LAMA3: variants seen among roughly 807,000 people sequenced by gnomAD.
LAMA3 encodes laminin subunit alpha 3, also known as laminin subunit alpha-3.
LAMA3 carries 281 observed loss-of-function variants against 402.0 expected under a neutral mutation model. That is an observed-to-expected ratio of 0.70 (90% CI 0.63 to 0.77). The LOEUF (loss-of-function observed/expected upper bound fraction) is 0.77, where lower values mean the gene tolerates loss of function less well. LAMA3 is among the 30% of genes least tolerant of loss of function. The pLI is 0.00. For missense variants in LAMA3, 3,840 were observed against 4,215.5 expected (o/e 0.91, Z 2.47); for synonymous variants, 1,431 against 1,558.4 (o/e 0.92, Z 1.93).
intron 44 of LAMA3, chr18:23,898,181 C>G (rs530353270): frequency 6.5e-6 from 1 of 154,732 alleles, no homozygotes; most frequent in African/African-American, 2.4e-5. Context: ...GGCAAGGGAC[C>G]CGGATTATGG....
intron 67 of LAMA3, among the ~76,000 whole-genome samples, chr18:23,934,256 A>G (rs2082248560): frequency 6.6e-6 from 1 of 152,164 alleles, no homozygotes; most frequent in African/African-American, 2.4e-5. Flanking sequence ...TCTATAGAAT[A>G]TAAGGGCCAT....
In LAMA3 at chr18:23,842,612, C is replaced by G. The variant is rs748706179; in HGVS notation, c.3465C>G (p.Gly1155=). The G allele has an allele frequency of 9.9e-6, 16 of 1,614,222 alleles. No homozygotes were observed. The highest frequency in any genetic ancestry group is 1.4e-5 in the Non-Finnish European group (16 of 1,180,040). Reference sequence around the variant, plus strand: ...AAAGTCTCTCTCTCTCTCTGCCAGGCTCCTTCCATGCCTCTTTTTGCCCCC... The same window carrying G: ...AAAGTCTCTCTCTCTCTCTGCCAGGGTCCTTCCATGCCTCTTTTTGCCCCC... ...VSVDGGWPRA[G]SFHASFCPHV... Residue 1155 remains glycine, a splice_region_variant and synonymous_variant, in exon 29 of 75, where the codon GGC becomes GGG. Transcript: ENST00000313654.
At chr18:23,914,605 G>A (rs943818454) in intron 57 of LAMA3, 44 bp downstream of exon 57, 2 of 1,611,334 alleles carry the variant, frequency 1.2e-6, no homozygotes, top group South Asian at 2.2e-5. Context: ...AAACTTCCAT[G>A]TATACATGTT....
Position 23,773,122 on chromosome 18 carries a change from T to G in LAMA3, c.1183-375T>G, listed in dbSNP as rs191184576. Reference sequence around the variant, plus strand: ...TGCACACATGACCCTTGGGTTAAACTGTGCGATTCATTATCCATTCGTCAG... The same window carrying G: ...TGCACACATGACCCTTGGGTTAAACGGTGCGATTCATTATCCATTCGTCAG... On this transcript the variant is annotated intron_variant, in intron 8 of 74. Transcript: ENST00000313654. Among the ~76,000 whole-genome samples the G allele has an allele frequency of 2.8e-3, 434 of 152,362 alleles. 5 individuals carry two copies. Among genetic ancestry groups the G allele is most frequent in the Non-Finnish European group, 1.6e-3 (106 of 68,034 alleles).
rs2063636041 is a variant in LAMA3 at position 23,838,761 on chromosome 18, G to A, written c.3094-20G>A. 2.8e-6 allele frequency: 4 copies of A among 1,427,184 alleles called. No individual in the cohort carries two copies. The highest frequency in any genetic ancestry group is 2.3e-5 in the East Asian group (1 of 43,982). 88.4% of individuals were successfully genotyped at this position (1,427,184 alleles called of 1,614,324 possible). A position where few individuals can be genotyped will look rare whatever the true frequency, so the allele number is the denominator to read the frequency against. ...GCTGGTAACTGCAATGTGCCTTTGTGCATTGTATTTGCTCACTAGCATCAA... is the reference window on the plus strand; with the variant it reads ...GCTGGTAACTGCAATGTGCCTTTGTACATTGTATTTGCTCACTAGCATCAA... On this transcript the variant is annotated intron_variant, in intron 25 of 74. Transcript: ENST00000313654.
At chr18:23,709,616 T>C (rs1192563998) in intron 1 of LAMA3, among the ~76,000 whole-genome samples, 3 of 151,962 alleles carry the variant, frequency 2.0e-5, no homozygotes, top group African/African-American at 7.3e-5. Context: ...AGCAGTAAAG[T>C]TGGTATAAGC....
chr18:23,889,967 A>T, intron 41 of LAMA3, 44 bp from the exon 42 acceptor site: 1 of 1,431,300 alleles, frequency 7.0e-7, no homozygotes, highest in Non-Finnish European at 9.9e-7. Context: ...GAGATAAACG[A>T]TGAGTTATTT....
intron 1 of LAMA3, among the ~76,000 whole-genome samples, chr18:23,705,436 G>A (rs1040845532): frequency 3.5e-5 from 5 of 142,324 alleles, no homozygotes; most frequent in Admixed American, 2.9e-4. Flanking sequence ...GCTCGGGAAT[G>A]TATTATCATG....
At chr18:23,769,357 G>GA (rs1386337326) in intron 8 of LAMA3, among the ~76,000 whole-genome samples, 2 of 152,004 alleles carry the variant, frequency 1.3e-5, no homozygotes, top group Non-Finnish European at 2.9e-5. Flanking sequence ...AATATAGCTG[G>GA]AAAAAATTAG....
chr18:23,816,033 G>A (rs1030814238), intron 17 of LAMA3, among the ~76,000 whole-genome samples: 19 of 152,118 alleles, frequency 1.2e-4, no homozygotes, highest in East Asian at 5.8e-4. Context: ...TCTGAAGCGC[G>A]TTTACTCCTG....
At chr18:23,765,012 C>A (rs1036651529) in intron 8 of LAMA3, among the ~76,000 whole-genome samples, 4 of 152,048 alleles carry the variant, frequency 2.6e-5, no homozygotes, top group Non-Finnish European at 4.4e-5. Context: ...ACCACAAAAA[C>A]CATGATCTGA....
intron 74 of LAMA3, among the ~76,000 whole-genome samples, chr18:23,953,906 C>T (rs1373054096): frequency 1.3e-5 from 2 of 152,152 alleles, no homozygotes; most frequent in Non-Finnish European, 2.9e-5. Context: ...CACTGTAATC[C>T]GGTTGTTAAT....
chr18:23,797,451 T>A (rs1459619839), intron 12 of LAMA3, among the ~76,000 whole-genome samples: 1 of 152,230 alleles, frequency 6.6e-6, no homozygotes, highest in East Asian at 1.9e-4. Context: ...TGATGGCTCA[T>A]GCCTGTGATC....
chr18:23,818,326 C>A (rs2063218043), intron 18 of LAMA3, among the ~76,000 whole-genome samples: 1 of 152,164 alleles, frequency 6.6e-6, no homozygotes, highest in Non-Finnish European at 1.5e-5. Flanking sequence ...TTAAGTTACC[C>A]AGCCTGAGGC....
chr18:23,714,292 G>C (rs1049148577), intron 2 of LAMA3, among the ~76,000 whole-genome samples: 2 of 152,130 alleles, frequency 1.3e-5, no homozygotes, highest in Non-Finnish European at 2.9e-5. Flanking sequence ...CGCCGAGGTG[G>C]GTGGATCACT....
Position 23,949,366 on chromosome 18 carries a change from A to G in LAMA3, c.9352-399A>G, listed in dbSNP as rs1392060007. ...AGAAGTGGTTTGTATCTGCAAAGAGACGGTGAAATCTGTGAACTGTAAGGT... is the reference window on the plus strand; with the variant it reads ...AGAAGTGGTTTGTATCTGCAAAGAGGCGGTGAAATCTGTGAACTGTAAGGT... On this transcript the variant is annotated intron_variant, in intron 70 of 74. Coordinates refer to ENST00000313654, the MANE Select transcript of LAMA3 (RefSeq NM_198129.4). Among the ~76,000 whole-genome samples, 6 of 152,134 alleles carry G rather than the reference A, an allele frequency of 3.9e-5. 1 individual carries two copies. In the South Asian group the frequency reaches 1.0e-3, roughly 26 times the overall value.
chr18:23,915,480 CT>C, intron 59 of LAMA3, 58 bp downstream of exon 59: 2 of 1,504,724 alleles, frequency 1.3e-6, no homozygotes, highest in Non-Finnish European at 1.8e-6. Context: ...ACTTGCAGTA[CT>C]TTTACATATG....
At chr18:23,833,685 G>A (rs771373044) in intron 23 of LAMA3, 143 bp from the exon 24 acceptor site, 50 of 849,358 alleles carry the variant, frequency 5.9e-5, no homozygotes, top group African/African-American at 1.3e-4. Flanking sequence ...ATCTCAACCT[G>A]TAGGACCATA....
chr18:23,809,237 G>T (rs2144269476), intron 12 of LAMA3, among the ~76,000 whole-genome samples: 1 of 152,308 alleles, frequency 6.6e-6, no homozygotes, highest in Non-Finnish European at 1.5e-5. Flanking sequence ...GTTTACAGAA[G>T]AGGAAACTGA....
Sources: allele counts gnomAD v4.1 joint callset (sites outside exome capture counted in the v4.1 genomes callset), GRCh38; gene constraint gnomAD v4.1.1; transcripts MANE v1.5; gene names NCBI Gene and HGNC (gene_info 2026-07-23, HGNC 2026-07-21).